MACROD2: variants seen among roughly 807,000 people sequenced by gnomAD.
MACROD2 encodes ADP-ribose glycohydrolase MACROD2.
A neutral mutation model predicts 70.4 loss-of-function variants in MACROD2; 36 were observed. The ratio of observed to expected loss-of-function variants is 0.51; its 90% CI spans 0.39 to 0.68. MACROD2 has a LOEUF of 0.68. MACROD2 is among the 30% of genes least tolerant of loss of function. The probability of loss-of-function intolerance (pLI) is 0.00; values close to 1 mark genes in which losing one functional copy is unlikely to be tolerated. For missense variants in MACROD2, 496 were observed against 538.4 expected (o/e 0.92, Z 0.78); for synonymous variants, 172 against 178.8 (o/e 0.96, Z 0.30).
chr20:15,341,898 T>A (rs956236078), intron 6 of MACROD2, among the ~76,000 whole-genome samples: 3 of 151,992 alleles, frequency 2.0e-5, no homozygotes, highest in East Asian at 3.9e-4. Context: ...AAAAATTTTT[T>A]AAAAAATTAG....
intron 5 of MACROD2, among the ~76,000 whole-genome samples, chr20:14,912,157 C>T (rs1040541341): frequency 6.6e-6 from 1 of 152,146 alleles, no homozygotes; most frequent in Non-Finnish European, 1.5e-5. Context: ...ACTCTTCCTG[C>T]ACTTGTCTGT....
chr20:14,554,984 A>G (rs1362925534), intron 4 of MACROD2, among the ~76,000 whole-genome samples: 1 of 151,038 alleles, frequency 6.6e-6, no homozygotes, highest in Non-Finnish European at 1.5e-5. Flanking sequence ...GGTTAGAGGT[A>G]GGGGGTAGGG....
intron 15 of MACROD2, 79 bp from the exon 16 acceptor site, chr20:16,041,122 G>A: frequency 8.3e-7 from 1 of 1,207,966 alleles, no homozygotes; most frequent in East Asian, 2.5e-5. Context: ...AAAGGGCAAT[G>A]GAGGGTGACA....
intron 6 of MACROD2, among the ~76,000 whole-genome samples, chr20:15,339,909 G>T: frequency 6.7e-6 from 1 of 148,846 alleles, no homozygotes; most frequent in Non-Finnish European, 1.5e-5. Flanking sequence ...TAATAATGCT[G>T]CAGTGAGTGG....
At chr20:14,274,758 A>T (rs1253343004) in intron 3 of MACROD2, among the ~76,000 whole-genome samples, 1 of 152,062 alleles carries the variant, frequency 6.6e-6, no homozygotes, top group Non-Finnish European at 1.5e-5. Context: ...CCATTGTCTC[A>T]GCCCAAAATC....
intron 5 of MACROD2, among the ~76,000 whole-genome samples, chr20:14,963,321 C>T (rs993038035): frequency 6.6e-6 from 1 of 152,090 alleles, no homozygotes; most frequent in Non-Finnish European, 1.5e-5. Context: ...CCCTGTTTTG[C>T]CCTTCCCTCA....
At chr20:15,742,634 T>A (rs555961543) in intron 8 of MACROD2, among the ~76,000 whole-genome samples, 3 of 152,360 alleles carry the variant, frequency 2.0e-5, no homozygotes, top group Admixed American at 2.0e-4. Context: ...TAAGGAATTG[T>A]TGAAAATTAA....
chr20:14,503,665 C>G (rs1325471556), intron 4 of MACROD2, among the ~76,000 whole-genome samples: 3 of 152,068 alleles, frequency 2.0e-5, no homozygotes, highest in Non-Finnish European at 4.4e-5. Flanking sequence ...TATTTCTGAC[C>G]AACAAAAAGC....
In MACROD2 at chr20:14,385,194, T is replaced by C. The variant is rs377052094; in HGVS notation, c.272-108285T>C. 2.2e-4 allele frequency among the ~76,000 whole-genome samples: 34 copies of C among 152,212 alleles called. No homozygotes were observed. In the East Asian group the frequency reaches 2.5e-3, roughly 11 times the overall value. On this transcript the variant is annotated intron_variant, in intron 3 of 17. Transcript: ENST00000684519. ...TCAGGCAAAGTGTATTCTAAAGTGA[T>C]TTTTTTCCCTTATGGAAACATAGAT...
At chr20:15,914,914 A>G (rs2065290307) in intron 10 of MACROD2, among the ~76,000 whole-genome samples, 1 of 145,578 alleles carries the variant, frequency 6.9e-6, no homozygotes, top group African/African-American at 2.5e-5. Flanking sequence ...AGGGAAAACA[A>G]TTTACTTACT....
chr20:15,229,862 A>G, intron 5 of MACROD2, 78 bp from the exon 6 acceptor site: 1 of 1,388,456 alleles, frequency 7.2e-7, no homozygotes, highest in South Asian at 1.7e-5. Flanking sequence ...AATACCTAAA[A>G]TAAATAAAGT....
chr20:15,194,813 T>C (rs1302224960), intron 5 of MACROD2, among the ~76,000 whole-genome samples: 1 of 152,200 alleles, frequency 6.6e-6, no homozygotes, highest in Non-Finnish European at 1.5e-5. Flanking sequence ...CAGGATCCAC[T>C]CCAGAGTTAC....
chr20:15,009,533 T>A (rs1242656541), intron 5 of MACROD2, among the ~76,000 whole-genome samples: 1 of 152,154 alleles, frequency 6.6e-6, no homozygotes, highest in African/African-American at 2.4e-5. Context: ...TTATAAGAAT[T>A]ATTCTTTATT....
chr20:15,705,545 C>T (rs888322158), intron 8 of MACROD2, among the ~76,000 whole-genome samples: 2 of 151,996 alleles, frequency 1.3e-5, no homozygotes, highest in Non-Finnish European at 2.9e-5. Flanking sequence ...TCGGCCTCCC[C>T]AGTAGCTGGG....
At chr20:15,473,956 A>C (rs190064501) in intron 7 of MACROD2, among the ~76,000 whole-genome samples, 78 of 152,298 alleles carry the variant, frequency 5.1e-4, no homozygotes, top group Admixed American at 4.3e-3. Context: ...GTGGTTTTGG[A>C]GTTCAGACTG....
chr20:14,782,577 A>G (rs1357798063), intron 5 of MACROD2, among the ~76,000 whole-genome samples: 1 of 152,058 alleles, frequency 6.6e-6, no homozygotes, highest in Non-Finnish European at 1.5e-5. Flanking sequence ...GGACACCCAC[A>G]TCTAATGACT....
At chr20:15,916,375 T>A (rs952842734) in intron 10 of MACROD2, among the ~76,000 whole-genome samples, 7 of 152,224 alleles carry the variant, frequency 4.6e-5, no homozygotes, top group Non-Finnish European at 1.0e-4. Flanking sequence ...AGTCATTTTA[T>A]AGCCTAATCT....
intron 5 of MACROD2, among the ~76,000 whole-genome samples, chr20:14,832,168 G>C (rs987400286): frequency 2.7e-5 from 4 of 146,380 alleles, no homozygotes; most frequent in Non-Finnish European, 6.0e-5. Flanking sequence ...TCAGCCTCCC[G>C]AGTAGCTGGG....
At position 15,840,441 on chromosome 20, in the gene MACROD2, C is replaced by T. The variant is rs2064158013; in HGVS notation, c.646-22304C>T. On this transcript the variant is annotated intron_variant, in intron 8 of 17. Transcript: ENST00000684519. ...TGCCCTCTTAAGGAGTGGCAAAAACCAAAAAGCATCCTCCTTTAACTCAAA... is the reference window on the plus strand; with the variant it reads ...TGCCCTCTTAAGGAGTGGCAAAAACTAAAAAGCATCCTCCTTTAACTCAAA... Among the ~76,000 whole-genome samples, 4 of 151,976 alleles carry T rather than the reference C, an allele frequency of 2.6e-5. No homozygotes were observed. In the South Asian group the frequency reaches 8.3e-4, roughly 31 times the overall value.
Sources: gnomAD v4.1 joint callset for allele counts (sites outside exome capture counted in the v4.1 genomes callset) on GRCh38, gnomAD v4.1.1 for gene constraint, MANE v1.5 for transcripts, NCBI Gene and HGNC (gene_info 2026-07-23, HGNC 2026-07-21) for gene names.